Variants in MX1 observed in about 807,000 individuals in gnomAD.
MX1 encodes MX dynamin like GTPase 1, also known as interferon-induced GTP-binding protein Mx1.
MX1 carries 66 observed loss-of-function variants against 66.4 expected under a neutral mutation model. That is an observed-to-expected ratio of 0.99 (90% confidence interval 0.82 to 1.22). The LOEUF is 1.22. MX1 is among the 50% of genes most tolerant of loss of function. MX1 has a pLI of 0.00. For missense variants in MX1, 787 were observed against 834.3 expected (o/e 0.94, Z 0.70); for synonymous variants, 311 against 318.1 (o/e 0.98, Z 0.24).
chr21:41,450,134 C>T (rs903722247), intron 14 of MX1, among the ~76,000 whole-genome samples: 6 of 152,234 alleles, frequency 3.9e-5, no homozygotes, highest in African/African-American at 4.8e-5. Context: ...ATGCTGGCTT[C>T]ACACTCAAAA....
Position 41,441,055 on chromosome 21 carries a change from G to GTGAGAATGGGGGAGCCCGCCTGTGCTCAA in MX1, c.730+57_730+58insAATGAGAATGGGGGAGCCCGCCTGTGCTC, listed in dbSNP as rs1568980569. 1.4e-5 allele frequency: 21 copies of GTGAGAATGGGGGAGCCCGCCTGTGCTCAA among 1,504,148 alleles called. No individual in the cohort carries two copies. Among genetic ancestry groups the GTGAGAATGGGGGAGCCCGCCTGTGCTCAA allele is most frequent in the Non-Finnish European group, 1.8e-5 (20 of 1,097,830 alleles). 93.2% of individuals were successfully genotyped at this position (1,504,148 alleles called of 1,614,324 possible). A position where few individuals can be genotyped will look rare whatever the true frequency, so the allele number is the denominator to read the frequency against. On this transcript the variant is annotated intron_variant, in intron 9 of 16. Coordinates refer to ENST00000398598, the MANE Select transcript of MX1 (RefSeq NM_002462.5). This position sits in a 1 kb window ranked among gnomAD's most constrained non-coding sequence, Gnocchi z 4.0. ...GAGTGGGGGAGCCCCACTGTGCTCA[G>GTGAGAATGGGGGAGCCCGCCTGTGCTCAA]TGAGAATGGGGGAGCCCGCCTGTGC... is the stretch of plus-strand genomic sequence containing the variant.
intron 13 of MX1, among the ~76,000 whole-genome samples, chr21:41,448,389 C>T (rs1278494957): frequency 6.6e-6 from 1 of 152,170 alleles, no homozygotes; most frequent in Non-Finnish European, 1.5e-5. Context: ...TTGTTAATTC[C>T]AGAAAGTGTT....
chr21:41,445,638 T>G, intron 12 of MX1, 68 bp downstream of exon 12: 2 of 1,599,660 alleles, frequency 1.3e-6, no homozygotes, highest in Non-Finnish European at 1.7e-6. Context: ...CCCTGGGCCT[T>G]ATGCACTTCC....
In MX1 at chr21:41,443,843, A is replaced by G. The variant is rs1459118622; in HGVS notation, c.985A>G (p.Ser329Gly). The change falls in exon 11 of 17, where the codon AGC (serine) becomes GGC (glycine). Residue 329 changes from serine to glycine, a missense_variant. Coordinates refer to ENST00000398598, the MANE Select transcript of MX1 (RefSeq NM_002462.5). ...TVPCLAEKLT[S>G]ELITHICKSL... The stretch of plus-strand genomic sequence containing the variant: ...TCCCTGCCTGGCAGAAAAACTTACC[A>G]GCGAGCTCATCACACATATCTGTGT... 1 of 1,614,136 alleles carries G rather than the reference A, an allele frequency of 6.2e-7. No homozygotes were observed. The highest frequency in any genetic ancestry group is 1.7e-5 in the Admixed American group (1 of 60,012).
chr21:41,421,523 A>C (rs188161170), upstream of MX1: 2,334 of 167,330 alleles, frequency 0.014, 82 homozygotes, highest in Admixed American at 0.091. Context: ...TTTCCTAGGC[A>C]GAGGTCCCTG....
At chr21:41,447,663 G>T (rs1361690555) in intron 13 of MX1, among the ~76,000 whole-genome samples, 1 of 152,174 alleles carries the variant, frequency 6.6e-6, no homozygotes, top group East Asian at 1.9e-4. Context: ...ATGGATGTGG[G>T]GTTTGGGAGT....
At chr21:41,445,178 G>A (rs543300043) in intron 11 of MX1, among the ~76,000 whole-genome samples, 15 of 152,212 alleles carry the variant, frequency 9.9e-5, no homozygotes, top group East Asian at 5.8e-4. Flanking sequence ...TCACTCTGCC[G>A]GGGCCTAGGA....
At chr21:41,449,086 T>G in intron 13 of MX1, 51 bp from the exon 14 acceptor site, 1 of 1,504,824 alleles carries the variant, frequency 6.6e-7, no homozygotes, top group Non-Finnish European at 9.0e-7. Flanking sequence ...TAGAAAAATG[T>G]GCAAGATTAT....
chr21:41,431,914 G>A (rs919462565), intron 4 of MX1, 136 bp from the exon 5 acceptor site: 8 of 652,900 alleles, frequency 1.2e-5, no homozygotes, highest in African/African-American at 9.0e-5. Flanking sequence ...ACTCTTCTAC[G>A]CTCTGGGGAC....
intron 13 of MX1, among the ~76,000 whole-genome samples, chr21:41,447,824 C>T (rs969090055): frequency 2.0e-5 from 3 of 152,150 alleles, no homozygotes; most frequent in African/African-American, 7.2e-5. Context: ...CACCCTCTGC[C>T]TCCCAGATTC....
chr21:41,455,480 A>T, intron 16 of MX1, among the ~76,000 whole-genome samples: 1 of 152,182 alleles, frequency 6.6e-6, no homozygotes, highest in East Asian at 1.9e-4. Flanking sequence ...AATCCAAACA[A>T]TAGGATGAGT....
At position 41,440,876 on chromosome 21, in the gene MX1, T is replaced by C. The variant is rs1229055298; in HGVS notation, c.592-11T>C. On this transcript the variant is annotated splice_polypyrimidine_tract_variant and intron_variant, in intron 8 of 16. Transcript: ENST00000398598. Reference sequence around the variant, plus strand: ...CATACTCACGAGTCACCTCCTCTCATTTCCTTACAGATCAAGACACTCATC... The same window carrying C: ...CATACTCACGAGTCACCTCCTCTCACTTCCTTACAGATCAAGACACTCATC... The C allele has an allele frequency of 5.0e-6, 8 of 1,614,116 alleles. No individual in the cohort carries two copies. The highest frequency in any genetic ancestry group is 6.8e-6 in the Non-Finnish European group (8 of 1,179,968).
intron 6 of MX1, among the ~76,000 whole-genome samples, chr21:41,436,314 A>G (rs999019531): frequency 6.6e-6 from 1 of 152,182 alleles, no homozygotes; most frequent in African/African-American, 2.4e-5. Flanking sequence ...TAATGACCTC[A>G]TTTAACCTTA....
intron 5 of MX1, among the ~76,000 whole-genome samples, chr21:41,433,677 G>GC (rs2090285219): frequency 1.3e-5 from 2 of 152,180 alleles, no homozygotes; most frequent in Admixed American, 1.3e-4. Flanking sequence ...TGTGATGATT[G>GC]CAAGCCTCAG....
upstream of MX1, among the ~76,000 whole-genome samples, chr21:41,424,369 C>T (rs184061093): frequency 1.5e-4 from 23 of 152,190 alleles, no homozygotes; most frequent in Admixed American, 5.2e-4. Flanking sequence ...GGAGTGGATC[C>T]TGCAAAGCAA....
At chr21:41,452,384 C>T (rs1448704311) in intron 15 of MX1, among the ~76,000 whole-genome samples, 1 of 152,186 alleles carries the variant, frequency 6.6e-6, no homozygotes, top group Non-Finnish European at 1.5e-5. Flanking sequence ...GGTCCCCAGG[C>T]CCCGGGATGG....
chr21:41,430,952 C>T (rs1006951333), intron 4 of MX1, among the ~76,000 whole-genome samples: 29 of 152,136 alleles, frequency 1.9e-4, no homozygotes, highest in African/African-American at 6.5e-4. Context: ...ATCAAATTAC[C>T]GTAATATTTG....
chr21:41,439,614 TG>T (rs779645878), intron 7 of MX1, 79 bp from the exon 8 acceptor site: 47 of 1,354,266 alleles, frequency 3.5e-5, no homozygotes, highest in Middle Eastern at 3.7e-4. Flanking sequence ...GAGGAGAAGA[TG>T]CTTTCAGAGT....
chr21:41,456,497 C>T (rs576482827), intron 16 of MX1, among the ~76,000 whole-genome samples: 2 of 152,176 alleles, frequency 1.3e-5, no homozygotes, highest in South Asian at 4.2e-4. Flanking sequence ...GAGGCCCATC[C>T]ACATCATTGA....
Sources: allele counts gnomAD v4.1 joint callset (sites outside exome capture counted in the v4.1 genomes callset), GRCh38; gene constraint gnomAD v4.1.1; non-coding constraint Gnocchi (gnomAD v3.1); transcripts MANE v1.5; gene names NCBI Gene and HGNC (gene_info 2026-07-23, HGNC 2026-07-21).